The following RORB variants were observed in gnomAD, a reference collection of about 807,000 sequenced individuals.
The protein encoded by RORB is RAR related orphan receptor B, also known as nuclear receptor ROR-beta.
Under a neutral mutation model 59.1 loss-of-function variants are expected in RORB, and 6 were observed. The ratio of observed to expected loss-of-function variants is 0.10; its 90% CI spans 0.06 to 0.20. The LOEUF (loss-of-function observed/expected upper bound fraction) is 0.20. Among genes scored for constraint, RORB ranks in the 10% least tolerant of loss-of-function variants. RORB has a pLI of 1.00. For synonymous variants in RORB, 215 were observed against 204.5 expected (o/e 1.05, Z -0.44); for missense variants, 320 against 560.5 (o/e 0.57, Z 4.33).
chr9:74,565,260 T>C (rs900530700), intron 1 of RORB, among the ~76,000 whole-genome samples: 1 of 152,208 alleles, frequency 6.6e-6, no homozygotes, highest in Admixed American at 6.5e-5. Context: ...AAATTCCACT[T>C]ATTCACAAAT....
chr9:74,546,852 T>C (rs1039756435), intron 1 of RORB, among the ~76,000 whole-genome samples: 1 of 152,032 alleles, frequency 6.6e-6, no homozygotes, highest in Admixed American at 6.6e-5. Context: ...ACAATGAGAG[T>C]GAAGACAGAA....
intron 1 of RORB, among the ~76,000 whole-genome samples, chr9:74,504,228 A>G (rs1437030382): frequency 6.6e-6 from 1 of 152,052 alleles, no homozygotes; most frequent in Non-Finnish European, 1.5e-5. Flanking sequence ...CACCTTGCAT[A>G]ATAAGCATTT....
In RORB at chr9:74,497,851, T is replaced by G; in HGVS notation, c.-126T>G. 1 of 1,206,958 alleles carries G rather than the reference T, an allele frequency of 8.3e-7. No individual in the cohort carries two copies. The highest frequency in any genetic ancestry group is 1.2e-6 in the Non-Finnish European group (1 of 842,434). The allele number at this position is 1,206,958 out of a possible 1,614,324, so 74.8% of individuals were successfully genotyped here. On this transcript the variant is annotated 5_prime_UTR_variant, in exon 1 of 10. Coordinates refer to ENST00000376896, the MANE Select transcript of RORB (RefSeq NM_006914.4). ...CCACGGCGTCCGCCTAAAGGGATGG[T>G]TTTCTCGGCAGAGCAGCTCTTCGCC...
At chr9:74,622,437 T>C (rs137990752) in intron 1 of RORB, among the ~76,000 whole-genome samples, 48 of 151,800 alleles carry the variant, frequency 3.2e-4, no homozygotes, top group African/African-American at 1.1e-3. Context: ...GGGTAAATTA[T>C]AGAATGTATT....
At chr9:74,623,441 C>CTTTTTT (rs35945048) in intron 1 of RORB, among the ~76,000 whole-genome samples, 5 of 145,444 alleles carry the variant, frequency 3.4e-5, no homozygotes, top group Non-Finnish European at 3.0e-5. Flanking sequence ...TTTTCTCTCT[C>CTTTTTT]TTTTTTTTTT....
At chr9:74,579,689 G>A (rs1349020021) in intron 1 of RORB, among the ~76,000 whole-genome samples, 1 of 152,052 alleles carries the variant, frequency 6.6e-6, no homozygotes, top group Non-Finnish European at 1.5e-5. Flanking sequence ...ACAATAGAAG[G>A]GAGTAACATA....
chr9:74,521,053 T>A (rs577734844), intron 1 of RORB, among the ~76,000 whole-genome samples: 49 of 152,040 alleles, frequency 3.2e-4, no homozygotes, highest in Admixed American at 2.0e-3. Flanking sequence ...TACATAAACA[T>A]AGCATCTTCC....
At chr9:74,545,600 T>G (rs73652815) in intron 1 of RORB, among the ~76,000 whole-genome samples, 4,904 of 152,130 alleles carry the variant, frequency 0.032, 234 homozygotes, top group African/African-American at 0.11. Context: ...CAAGCAAAGG[T>G]GAAGACAGAA....
intron 1 of RORB, among the ~76,000 whole-genome samples, chr9:74,589,527 C>T (rs1822854733): frequency 6.6e-6 from 1 of 152,178 alleles, no homozygotes; most frequent in Non-Finnish European, 1.5e-5. Context: ...GATACCAAGA[C>T]TTATCTCATA....
At chr9:74,554,353 T>TGC in intron 1 of RORB, among the ~76,000 whole-genome samples, 1 of 152,154 alleles carries the variant, frequency 6.6e-6, no homozygotes, top group East Asian at 1.9e-4. Flanking sequence ...CAATCATCAT[T>TGC]GCTTTTTGTC....
chr9:74,566,671 C>A (rs1455692629), intron 1 of RORB, among the ~76,000 whole-genome samples: 1 of 152,130 alleles, frequency 6.6e-6, no homozygotes, highest in Non-Finnish European at 1.5e-5. Flanking sequence ...GTGGCATGCA[C>A]CTGTAGTCCC....
intron 1 of RORB, among the ~76,000 whole-genome samples, chr9:74,553,027 G>A (rs775201250): frequency 2.6e-5 from 4 of 152,066 alleles, no homozygotes; most frequent in Non-Finnish European, 5.9e-5. Context: ...GTGGAGTTTA[G>A]GAAGCCATGG....
At chr9:74,582,842 G>C (rs1324615532) in intron 1 of RORB, among the ~76,000 whole-genome samples, 4 of 152,150 alleles carry the variant, frequency 2.6e-5, no homozygotes, top group Non-Finnish European at 5.9e-5. Context: ...GAGATAAACA[G>C]TAGTAGGATC....
chr9:74,566,114 C>A (rs893841551), intron 1 of RORB, among the ~76,000 whole-genome samples: 2 of 152,104 alleles, frequency 1.3e-5, no homozygotes, highest in Admixed American at 1.3e-4. Context: ...CTCTGCTGTC[C>A]TTTACCAACC....
At chr9:74,580,511 C>A (rs1265778133) in intron 1 of RORB, among the ~76,000 whole-genome samples, 1 of 152,094 alleles carries the variant, frequency 6.6e-6, no homozygotes, top group Non-Finnish European at 1.5e-5. Flanking sequence ...CTCATTGGTA[C>A]ACTAATTGAT....
chr9:74,522,392 A>C (rs1219059231), intron 1 of RORB, among the ~76,000 whole-genome samples: 3 of 151,768 alleles, frequency 2.0e-5, no homozygotes, highest in Non-Finnish European at 4.4e-5. Flanking sequence ...GAAAAATAGA[A>C]GGTAGAATTC....
Position 74,689,877 on chromosome 9 carries a change from T to C in RORB, c.*4259T>C, listed in dbSNP as rs1824711709. On this transcript the variant is annotated 3_prime_UTR_variant, in exon 10 of 10. Transcript: ENST00000376896. ...ATAATGGCAGTGTTGTTCTATGTTC[T>C]TTGTTTCTGTTCATTATAGAAGCAA... 1 of 152,248 alleles carries C rather than the reference T, an allele frequency of 6.6e-6. No individual in the cohort carries two copies. Among genetic ancestry groups the C allele is most frequent in the Non-Finnish European group, 1.5e-5 (1 of 68,046 alleles). 9.4% of individuals were successfully genotyped at this position (152,248 alleles called of 1,614,324 possible).
At chr9:74,654,585 G>A (rs1329647122) in intron 4 of RORB, among the ~76,000 whole-genome samples, 1 of 152,058 alleles carries the variant, frequency 6.6e-6, no homozygotes, top group East Asian at 1.9e-4. Flanking sequence ...CTTCTAGGGA[G>A]GTTTGACAAT....
rs114023384 is a variant in RORB, at chr9:74,599,792, T to G, written c.8-30490T>G. Among the ~76,000 whole-genome samples, 423 of 152,278 alleles carry G rather than the reference T, an allele frequency of 2.8e-3. 4 individuals carry two copies. The highest frequency in any genetic ancestry group is 9.6e-3 in the African/African-American group (397 of 41,550). On this transcript the variant is annotated intron_variant, in intron 1 of 9. Transcript: ENST00000376896. ...CTGGCTGTTTTACTTGCCCCATACCTGGCCTTCTTCTGGGGTGCTAATGGC... is the reference window on the plus strand; with the variant it reads ...CTGGCTGTTTTACTTGCCCCATACCGGGCCTTCTTCTGGGGTGCTAATGGC...
Sources: allele counts gnomAD v4.1 joint callset (sites outside exome capture counted in the v4.1 genomes callset), GRCh38; gene constraint gnomAD v4.1.1; transcripts MANE v1.5; gene names NCBI Gene and HGNC (gene_info 2026-07-23, HGNC 2026-07-21).